The following UGT8 variants were observed in gnomAD, a reference collection of about 807,000 sequenced individuals.
UGT8 encodes UDP glycosyltransferase 8.
A neutral mutation model predicts 40.5 loss-of-function variants in UGT8; 12 were observed. The ratio of observed to expected loss-of-function variants is 0.30; its 90% CI spans 0.19 to 0.48. The LOEUF (loss-of-function observed/expected upper bound fraction) is 0.48, where lower values mean the gene tolerates loss of function less well. Ranked by LOEUF, UGT8 falls within the 20% of genes least tolerant of loss-of-function variation. UGT8 has a pLI of 0.99. For synonymous variants in UGT8, 224 were observed against 240.4 expected, an observed-to-expected ratio of 0.93 and a Z score of 0.63; for missense variants, 513 against 648.7, an observed-to-expected ratio of 0.79 and a Z score of 2.27.
intron 1 of UGT8, among the ~76,000 whole-genome samples, chr4:114,608,738 A>G (rs192906644): frequency 3.7e-4 from 57 of 152,302 alleles, no homozygotes; most frequent in Non-Finnish European, 7.9e-4. Flanking sequence ...AACTAATTCT[A>G]GGTAATGCTA....
At chr4:114,664,963 A>G (rs999229163) in intron 3 of UGT8, among the ~76,000 whole-genome samples, 1 of 152,112 alleles carries the variant, frequency 6.6e-6, no homozygotes, top group African/African-American at 2.4e-5. Flanking sequence ...CTATGCAGTG[A>G]TATTTATTTT....
chr4:114,659,518 C>T (rs1399040633), intron 2 of UGT8, among the ~76,000 whole-genome samples: 3 of 152,108 alleles, frequency 2.0e-5, no homozygotes, highest in Non-Finnish European at 4.4e-5. Flanking sequence ...CCCCTATACC[C>T]ATAGAAGTAG....
At chr4:114,660,758 G>T (rs552247323) in intron 2 of UGT8, among the ~76,000 whole-genome samples, 1 of 151,914 alleles carries the variant, frequency 6.6e-6, no homozygotes, top group African/African-American at 2.4e-5. Context: ...CGGGCGTAGT[G>T]GGGGCACCTG....
chr4:114,676,375 A>G lies in UGT8; in HGVS notation c.*87A>G. The G allele has an allele frequency of 9.0e-7, 1 of 1,110,140 alleles. No individual in the cohort carries two copies. The highest frequency in any genetic ancestry group is 1.6e-5 in the South Asian group (1 of 61,918). 68.8% of individuals were successfully genotyped at this position (1,110,140 alleles called of 1,614,324 possible). ...TAGTCTAACAGCTACTAAAAGTAAA[A>G]CATCAGTAAACAATTCTAACATGCC... On this transcript the variant is annotated 3_prime_UTR_variant, in exon 6 of 6. Transcript: ENST00000310836.
At position 114,646,371 on chromosome 4, in the gene UGT8, A is replaced by G. The variant is rs144951860; in HGVS notation, c.823-17624A>G. Among the ~76,000 whole-genome samples, 18 of 151,500 alleles carry G rather than the reference A, an allele frequency of 1.2e-4. No homozygotes were observed. In the East Asian group the frequency reaches 3.5e-3, roughly 29 times the overall value. ...TATATATCTGTATATACATACATAT[A>G]TCTATATCTATATCTATATATATAT... is the stretch of plus-strand genomic sequence containing the variant. On this transcript the variant is annotated intron_variant, in intron 2 of 5. Transcript: ENST00000310836.
At chr4:114,646,385 CTA>C (rs890122307) in intron 2 of UGT8, among the ~76,000 whole-genome samples, 4 of 150,974 alleles carry the variant, frequency 2.6e-5, no homozygotes, top group Admixed American at 6.6e-5. Flanking sequence ...ATATCTATAT[CTA>C]TATATATATG....
chr4:114,656,923 A>T (rs751147143), intron 2 of UGT8: 5 of 444,740 alleles, frequency 1.1e-5, no homozygotes, highest in Non-Finnish European at 2.3e-5. Context: ...TTATTCTTTG[A>T]TATGTCCCAA....
At chr4:114,599,776 G>A (rs926405503) in intron 1 of UGT8, among the ~76,000 whole-genome samples, 8 of 152,166 alleles carry the variant, frequency 5.3e-5, no homozygotes, top group Admixed American at 2.0e-4. Context: ...GAGGAGCGGC[G>A]AGGGAGCCTG....
In UGT8 at chr4:114,600,442, C is replaced by T. The variant is rs142255969; in HGVS notation, c.-3+1468C>T. ...ATATTCACTCAAAATTGGCGTGCTTCTGACATATCCCCAGAAAAAAATCAC... is the reference window on the plus strand; with the variant it reads ...ATATTCACTCAAAATTGGCGTGCTTTTGACATATCCCCAGAAAAAAATCAC... On this transcript the variant is annotated intron_variant, in intron 1 of 5. Coordinates refer to ENST00000310836, the MANE Select transcript of UGT8 (RefSeq NM_001128174.3). Among the ~76,000 whole-genome samples, 1,089 of 152,268 alleles carry T rather than the reference C, an allele frequency of 7.2e-3. 16 individuals carry two copies. Among genetic ancestry groups the T allele is most frequent in the African/African-American group, 0.024 (1,009 of 41,558 alleles).
chr4:114,662,098 C>A (rs1369869482), intron 2 of UGT8, among the ~76,000 whole-genome samples: 1 of 152,154 alleles, frequency 6.6e-6, no homozygotes, highest in Non-Finnish European at 1.5e-5. Flanking sequence ...GTCTCTATTT[C>A]TTTTATATAC....
At chr4:114,674,597 T>TACCCATGGGGAAG in intron 5 of UGT8, among the ~76,000 whole-genome samples, 1 of 152,230 alleles carries the variant, frequency 6.6e-6, no homozygotes, top group East Asian at 1.9e-4. Flanking sequence ...TCATTCAGAA[T>TACCCATGGGGAAG]ACCCATGGGG....
intron 5 of UGT8, among the ~76,000 whole-genome samples, chr4:114,674,100 T>G (rs947757525): frequency 1.3e-5 from 2 of 152,122 alleles, no homozygotes; most frequent in Non-Finnish European, 2.9e-5. Flanking sequence ...AGGTCTAGAG[T>G]GAAATCATAA....
intron 1 of UGT8, among the ~76,000 whole-genome samples, chr4:114,620,400 C>T (rs1411624433): frequency 6.6e-6 from 1 of 152,158 alleles, no homozygotes; most frequent in Non-Finnish European, 1.5e-5. Context: ...TAAAATATCT[C>T]ATTTTTCCTT....
Position 114,668,161 on chromosome 4 carries a change from T to C in UGT8, c.1119T>C (p.Pro373=). 6.2e-7 allele frequency: 1 copy of C among 1,613,882 alleles called. No individual in the cohort carries two copies. The highest frequency in any genetic ancestry group is 2.2e-5 in the East Asian group (1 of 44,834). Reference sequence around the variant, plus strand: ...TTGAAACTATATATCATGGTGTGCCTGTAGTGGGAATTCCACTCTTTGGAG... The same window carrying C: ...TTGAAACTATATATCATGGTGTGCCCGTAGTGGGAATTCCACTCTTTGGAG... ...SIFETIYHGV[P]VVGIPLFGDH... The change falls in exon 5 of 6, where the codon CCT becomes CCC. Residue 373 remains proline (P), a synonymous_variant. Coordinates refer to ENST00000310836, the MANE Select transcript of UGT8 (RefSeq NM_001128174.3).
At chr4:114,642,412 C>CA (rs1241968836) in intron 2 of UGT8, among the ~76,000 whole-genome samples, 2 of 152,092 alleles carry the variant, frequency 1.3e-5, no homozygotes, top group African/African-American at 4.8e-5. Context: ...TAGCTTGTAG[C>CA]AAGATTAACA....
intron 2 of UGT8, among the ~76,000 whole-genome samples, chr4:114,647,553 G>A (rs1040150423): frequency 7.2e-5 from 11 of 151,872 alleles, no homozygotes; most frequent in African/African-American, 2.7e-4. Context: ...TTTAGTAGAG[G>A]CGGGGTTTCA....
At chr4:114,671,420 A>G (rs578216377) in intron 5 of UGT8, among the ~76,000 whole-genome samples, 1 of 152,338 alleles carries the variant, frequency 6.6e-6, no homozygotes, top group South Asian at 2.1e-4. Context: ...ACCTGACTTC[A>G]AACTATACTA....
chr4:114,676,311 A>G lies in UGT8; in HGVS notation c.*23A>G. ...TGAGCCAACAGCCCAGGTGATAGAAATAAATTGGTTCACTCATTGAATTTT... is the reference window on the plus strand; with the variant it reads ...TGAGCCAACAGCCCAGGTGATAGAAGTAAATTGGTTCACTCATTGAATTTT... On this transcript the variant is annotated 3_prime_UTR_variant, in exon 6 of 6. Transcript: ENST00000310836. 1.3e-6 allele frequency: 2 copies of G among 1,534,144 alleles called. No homozygotes were observed. Among genetic ancestry groups the G allele is most frequent in the Non-Finnish European group, 1.7e-6 (2 of 1,143,234 alleles).
At chr4:114,651,497 T>G (rs1251096843) in intron 2 of UGT8, among the ~76,000 whole-genome samples, 3 of 152,120 alleles carry the variant, frequency 2.0e-5, no homozygotes, top group Admixed American at 6.6e-5. Flanking sequence ...ACAAACTAGT[T>G]TTCCATATAT....
Sources: allele counts gnomAD v4.1 joint callset (sites outside exome capture counted in the v4.1 genomes callset), GRCh38; gene constraint gnomAD v4.1.1; transcripts MANE v1.5; gene names NCBI Gene and HGNC (gene_info 2026-07-23, HGNC 2026-07-21).